ZNF66: variants seen among roughly 807,000 people sequenced by gnomAD.
ZNF66 encodes putative zinc finger protein 66.
Under a neutral mutation model 35.2 loss-of-function variants are expected in ZNF66, and 32 were observed. The observed-to-expected ratio is 0.91, with a 90% CI of 0.69 to 1.22. The LOEUF (loss-of-function observed/expected upper bound fraction) is 1.22, where lower values mean the gene tolerates loss of function less well. Ranked by LOEUF, ZNF66 falls within the 50% of genes most tolerant of loss-of-function variation. The pLI, the probability that ZNF66 is intolerant of heterozygous loss-of-function variation, is 0.00. For synonymous variants in ZNF66, 231 were observed against 181.3 expected, an observed-to-expected ratio of 1.27 and a Z score of -2.20; for missense variants, 666 against 543.1, an observed-to-expected ratio of 1.23 and a Z score of -2.25.
chr19:20,787,718 CA>C (rs1484138353), intron 1 of ZNF66, among the ~76,000 whole-genome samples: 24 of 152,270 alleles, frequency 1.6e-4, no homozygotes, highest in Middle Eastern at 3.4e-3. Context: ...CATGAGAGAT[CA>C]AGGCCACAAA....
chr19:20,797,851 T>C (rs575844138), intron 3 of ZNF66, among the ~76,000 whole-genome samples: 22 of 152,264 alleles, frequency 1.4e-4, no homozygotes, highest in Admixed American at 6.5e-4. Context: ...TATGATCCAC[T>C]GCACCTGGCC....
chr19:20,778,734 G>A (rs1971218155), intron 1 of ZNF66, among the ~76,000 whole-genome samples: 1 of 146,016 alleles, frequency 6.8e-6, no homozygotes, highest in Non-Finnish European at 1.5e-5. Flanking sequence ...AGTGAGCCGA[G>A]ATCATGCCAC....
intron 3 of ZNF66, among the ~76,000 whole-genome samples, chr19:20,797,391 A>G (rs1971405166): frequency 7.2e-6 from 1 of 139,504 alleles, no homozygotes; most frequent in Non-Finnish European, 1.6e-5. Flanking sequence ...TATTTTTAGT[A>G]GAGACGGGGT....
At chr19:20,797,188 G>A (rs1361675341) in intron 3 of ZNF66, among the ~76,000 whole-genome samples, 4 of 79,440 alleles carry the variant, frequency 5.0e-5, no homozygotes, top group East Asian at 4.0e-4. Flanking sequence ...TTGCATGCTA[G>A]ATTTTTTTTT....
chr19:20,801,472 T>G (rs180767063), intron 3 of ZNF66, among the ~76,000 whole-genome samples: 17 of 152,062 alleles, frequency 1.1e-4, no homozygotes, highest in Admixed American at 1.0e-3. Context: ...GCCTTCCAAG[T>G]AGCTGGGATT....
chr19:20,803,073 T>A (rs1272905591), intron 3 of ZNF66, among the ~76,000 whole-genome samples: 1 of 152,040 alleles, frequency 6.6e-6, no homozygotes, highest in Non-Finnish European at 1.5e-5. Flanking sequence ...TTACATGAAA[T>A]TTCTACTTCC....
chr19:20,781,800 C>T (rs1302538111), intron 1 of ZNF66, among the ~76,000 whole-genome samples: 1 of 152,028 alleles, frequency 6.6e-6, no homozygotes, highest in African/African-American at 2.4e-5. Flanking sequence ...GAGCACTGCG[C>T]CAGGCCTCTG....
chr19:20,802,273 A>G (rs1163030160), intron 3 of ZNF66, among the ~76,000 whole-genome samples: 1 of 152,174 alleles, frequency 6.6e-6, no homozygotes, highest in Non-Finnish European at 1.5e-5. Context: ...GAGACATTTG[A>G]AAAACATTGA....
At chr19:20,776,847 G>C (rs935627940) in intron 1 of ZNF66, among the ~76,000 whole-genome samples, 2 of 152,156 alleles carry the variant, frequency 1.3e-5, no homozygotes, top group African/African-American at 4.8e-5. Context: ...GGGCGCGGTC[G>C]TTCAAGCCTG....
chr19:20,791,902 A>T (rs1490731712), intron 1 of ZNF66, among the ~76,000 whole-genome samples: 1 of 150,190 alleles, frequency 6.7e-6, no homozygotes, highest in Non-Finnish European at 1.5e-5. Context: ...ATGTGAACAA[A>T]CAATCATTTA....
In ZNF66 at chr19:20,806,894, A is replaced by G; in HGVS notation, c.1294A>G (p.Lys432Glu). ...EKPYKCEECG[K>E]AFSRSSILTT... ...ACCCTACAAATGTGAAGAATGTGGC[A>G]AAGCCTTCAGTCGGTCCTCTATTCT... Residue 432 changes from lysine to glutamate, a missense_variant, in exon 4 of 4, where the codon AAA becomes GAA. By Grantham distance (56) the Lys-to-Glu change is moderately conservative (BLOSUM62 1). Coordinates refer to ENST00000344519, the MANE Select transcript of ZNF66 (RefSeq NM_001355197.2). The G allele has an allele frequency of 1.5e-6, 2 of 1,337,400 alleles. No homozygotes were observed. The highest frequency in any genetic ancestry group is 2.2e-6 in the Non-Finnish European group (2 of 929,684). 82.8% of individuals were successfully genotyped at this position (1,337,400 alleles called of 1,614,324 possible).
rs1040927018 is a variant in ZNF66, at chr19:20,806,498, C to T, written c.898C>T (p.Leu300Phe). Residue 300 changes from leucine (L) to phenylalanine (F), a missense_variant, in exon 4 of 4, where the codon CTT becomes TTT. Transcript: ENST00000344519. ...CGKVFKYLSS[L>F]STHKIIHTGE... ...CAAAGTTTTTAAGTACCTTTCTTCC[C>T]TTTCTACACATAAGATAATTCATAC... 2 of 1,521,730 alleles carry T rather than the reference C, an allele frequency of 1.3e-6. No individual in the cohort carries two copies. Among genetic ancestry groups the T allele is most frequent in the African/African-American group, 1.4e-5 (1 of 72,934 alleles). 94.3% of individuals were successfully genotyped at this position (1,521,730 alleles called of 1,614,324 possible).
intron 1 of ZNF66, among the ~76,000 whole-genome samples, chr19:20,791,076 G>A (rs905924431): frequency 3.9e-5 from 6 of 152,120 alleles, no homozygotes; most frequent in African/African-American, 4.8e-5. Context: ...GGAAAGATGT[G>A]GATACTCAAG....
chr19:20,795,834 C>T (rs1971387037), intron 3 of ZNF66, among the ~76,000 whole-genome samples: 1 of 152,102 alleles, frequency 6.6e-6, no homozygotes, highest in African/African-American at 2.4e-5. Flanking sequence ...ATGTCAGGAC[C>T]TCTGCCAGAC....
chr19:20,783,934 G>A (rs13343589), intron 1 of ZNF66, among the ~76,000 whole-genome samples: 14,165 of 152,160 alleles, frequency 0.093, 671 homozygotes, highest in Middle Eastern at 0.11. Flanking sequence ...TCAGCTGACT[G>A]CAACTGCTGC....
intron 3 of ZNF66, chr19:20,799,093 GCT>G (rs1971424624): frequency 1.1e-5 from 1 of 94,838 alleles, no homozygotes; most frequent in Admixed American, 1.3e-4. Context: ...ATGGAATCTT[GCT>G]CTGTTGCCCA....
intron 3 of ZNF66, among the ~76,000 whole-genome samples, chr19:20,803,303 CT>C (rs1036170852): frequency 7.7e-6 from 1 of 129,064 alleles, no homozygotes; most frequent in Non-Finnish European, 1.7e-5. Context: ...CTCATTTTCT[CT>C]TTCTGTCTTT....
intron 3 of ZNF66, among the ~76,000 whole-genome samples, chr19:20,798,592 A>G (rs1345843128): frequency 6.6e-6 from 1 of 152,186 alleles, no homozygotes; most frequent in Non-Finnish European, 1.5e-5. Flanking sequence ...AGGCATGTTA[A>G]TTATATTCAC....
chr19:20,782,586 A>G (rs1274159166), intron 1 of ZNF66, among the ~76,000 whole-genome samples: 1 of 152,190 alleles, frequency 6.6e-6, no homozygotes, highest in African/African-American at 2.4e-5. Context: ...GTGAGGTGGT[A>G]TCTCATTGTG....
Sources: gnomAD v4.1 joint callset for allele counts (sites outside exome capture counted in the v4.1 genomes callset) on GRCh38, gnomAD v4.1.1 for gene constraint, MANE v1.5 for transcripts, NCBI Gene and HGNC (gene_info 2026-07-23, HGNC 2026-07-21) for gene names.